DNM3: variants seen among roughly 807,000 people sequenced by gnomAD.
DNM3 encodes dynamin 3.
A neutral mutation model predicts 101.6 loss-of-function variants in DNM3; 47 were observed. The observed-to-expected ratio is 0.46, with a 90% CI of 0.37 to 0.59. The LOEUF is 0.59. DNM3 is among the 20% of genes least tolerant of loss of function. DNM3 has a pLI of 0.00. For synonymous variants in DNM3, 385 were observed against 387.9 expected (o/e 0.99, Z 0.09); for missense variants, 849 against 1,085.7 (o/e 0.78, Z 3.06).
chr1:171,971,629 T>G (rs2043999054), intron 2 of DNM3, among the ~76,000 whole-genome samples: 2 of 152,096 alleles, frequency 1.3e-5, no homozygotes, highest in Admixed American at 1.3e-4. Flanking sequence ...GAAAATAATC[T>G]GAACTTTGTA....
intron 10 of DNM3, among the ~76,000 whole-genome samples, chr1:172,061,231 C>G (rs1468148407): frequency 6.7e-6 from 1 of 149,878 alleles, no homozygotes; most frequent in African/African-American, 2.5e-5. Flanking sequence ...GAAATAGGAA[C>G]ACTTTTACAC....
At chr1:172,027,113 G>C (rs1388416141) in intron 4 of DNM3, among the ~76,000 whole-genome samples, 1 of 152,068 alleles carries the variant, frequency 6.6e-6, no homozygotes, top group Non-Finnish European at 1.5e-5. Context: ...ATATGGAAAG[G>C]AACAACTGAT....
intron 14 of DNM3, among the ~76,000 whole-genome samples, chr1:172,240,619 G>A (rs958813117): frequency 1.3e-5 from 2 of 152,180 alleles, no homozygotes; most frequent in African/African-American, 4.8e-5. Context: ...GTAGAATTAT[G>A]TTTGATTAAT....
At position 172,313,767 on chromosome 1, in the gene DNM3, C is replaced by CATTTATTTATTT. The variant is rs58904855; in HGVS notation, c.1881+4946_1881+4957dup. ...GGTGAATGTGTTCAATGTCTCATAGCATTTATTTATTTATTTATTTATTTA... is the reference window on the plus strand; with the variant it reads ...GGTGAATGTGTTCAATGTCTCATAGCATTTATTTATTTATTTATTTATTTATTTATTTATTTA... On this transcript the variant is annotated intron_variant, in intron 16 of 20. Transcript: ENST00000627582. Among the ~76,000 whole-genome samples the CATTTATTTATTT allele has an allele frequency of 7.8e-3, 1,173 of 151,320 alleles. 19 individuals are homozygous for CATTTATTTATTT. The highest frequency in any genetic ancestry group is 0.027 in the African/African-American group (1,111 of 41,048).
chr1:171,964,377 T>C (rs1013106702), intron 2 of DNM3, among the ~76,000 whole-genome samples: 1 of 152,158 alleles, frequency 6.6e-6, no homozygotes, highest in African/African-American at 2.4e-5. Flanking sequence ...CTTCTGTTGA[T>C]TCCTGTGTTT....
At chr1:172,402,889 G>A (rs1316641350) in intron 20 of DNM3, among the ~76,000 whole-genome samples, 1 of 152,174 alleles carries the variant, frequency 6.6e-6, no homozygotes, top group African/African-American at 2.4e-5. Flanking sequence ...TATCTGGCAA[G>A]TAAATTGAAT....
At chr1:172,300,454 A>T (rs2064389409) in intron 15 of DNM3, among the ~76,000 whole-genome samples, 1 of 152,130 alleles carries the variant, frequency 6.6e-6, no homozygotes, top group Non-Finnish European at 1.5e-5. Context: ...TTAGTCATAA[A>T]TTCTTGCCAA....
At chr1:172,163,068 G>T (rs529312660) in intron 14 of DNM3, among the ~76,000 whole-genome samples, 1 of 151,940 alleles carries the variant, frequency 6.6e-6, no homozygotes, top group South Asian at 2.1e-4. Flanking sequence ...TCTATTTAAG[G>T]TGTACAATGT....
At chr1:172,148,460 T>C (rs1457172035) in intron 14 of DNM3, among the ~76,000 whole-genome samples, 1 of 152,070 alleles carries the variant, frequency 6.6e-6, no homozygotes, top group Non-Finnish European at 1.5e-5. Flanking sequence ...AAAAACATAG[T>C]GTGCTTTTAA....
chr1:172,296,974 C>G (rs2064192317), intron 15 of DNM3, among the ~76,000 whole-genome samples: 1 of 152,100 alleles, frequency 6.6e-6, no homozygotes, highest in South Asian at 2.1e-4. Context: ...GAAATCCCAT[C>G]TAGACTAAAG....
At chr1:172,346,076 T>G (rs1419103805) in intron 17 of DNM3, among the ~76,000 whole-genome samples, 1 of 140,132 alleles carries the variant, frequency 7.1e-6, no homozygotes, top group African/African-American at 2.7e-5. Flanking sequence ...TGAGCCGAGA[T>G]CGTGCCACTG....
intron 2 of DNM3, among the ~76,000 whole-genome samples, chr1:171,953,420 C>CTTTT (rs749644835): frequency 2.3e-5 from 3 of 129,004 alleles, no homozygotes; most frequent in Non-Finnish European, 5.1e-5. Context: ...ATGCGCAATT[C>CTTTT]TTTTTTTTTT....
intron 14 of DNM3, among the ~76,000 whole-genome samples, chr1:172,147,229 A>T (rs1314840710): frequency 1.3e-5 from 2 of 152,132 alleles, no homozygotes; most frequent in Non-Finnish European, 2.9e-5. Flanking sequence ...AAAAGTTAGG[A>T]ATACACATCT....
At chr1:172,382,590 AT>A (rs1157027023) in intron 18 of DNM3, among the ~76,000 whole-genome samples, 3 of 152,132 alleles carry the variant, frequency 2.0e-5, no homozygotes, top group African/African-American at 7.2e-5. Context: ...TGTTCTCACC[AT>A]TTGAACATTG....
rs190799351 is a variant in DNM3 at position 172,129,729 on chromosome 1, A to G, written c.1546-1446A>G. Among the ~76,000 whole-genome samples the G allele has an allele frequency of 8.0e-4, 122 of 152,216 alleles. 2 individuals are homozygous for G. Among genetic ancestry groups the G allele is most frequent in the African/African-American group, 2.7e-3 (114 of 41,518 alleles). On this transcript the variant is annotated intron_variant, in intron 13 of 20. Transcript: ENST00000627582. ...CCCCATAATTCAGTTACCTCCCACCAGTTTCCTCCCATGACACATGGGAAT... is the reference window on the plus strand; with the variant it reads ...CCCCATAATTCAGTTACCTCCCACCGGTTTCCTCCCATGACACATGGGAAT...
rs538969151 is a variant in DNM3, at chr1:172,056,353, G to A, written c.1335+7603G>A. Among the ~76,000 whole-genome samples the A allele has an allele frequency of 2.6e-4, 40 of 152,342 alleles. 2 individuals are homozygous for A. The South Asian group carries it at 2.9e-3, about 11-fold the overall frequency. On this transcript the variant is annotated intron_variant, in intron 10 of 20. Coordinates refer to ENST00000627582, the MANE Select transcript of DNM3 (RefSeq NM_015569.5). Reference sequence around the variant, plus strand: ...GGTGGAGCCCACCACAGCTCAAGGAGGCCTGCCTGCCTCTGTAGGCTCCAC... The same window carrying A: ...GGTGGAGCCCACCACAGCTCAAGGAAGCCTGCCTGCCTCTGTAGGCTCCAC...
chr1:172,271,299 A>G (rs1259778001), intron 15 of DNM3, among the ~76,000 whole-genome samples: 1 of 152,148 alleles, frequency 6.6e-6, no homozygotes, highest in Non-Finnish European at 1.5e-5. Context: ...GCACACCACC[A>G]ATTATATTTA....
At position 172,321,696 on chromosome 1, in the gene DNM3, C is replaced by T. The variant is rs566676926; in HGVS notation, c.1882-1633C>T. On this transcript the variant is annotated intron_variant, in intron 16 of 20. Coordinates refer to ENST00000627582, the MANE Select transcript of DNM3 (RefSeq NM_015569.5). ...CCATCGAGTGGGGAAGCCAGTCATT[C>T]CCTAATGTGCAAAAATACTTGGTTG... Among the ~76,000 whole-genome samples, 7 of 152,262 alleles carry T rather than the reference C, an allele frequency of 4.6e-5. No homozygotes were observed. The South Asian group carries it at 1.5e-3, about 32-fold the overall frequency.
At chr1:172,000,998 G>T (rs544775905) in intron 4 of DNM3, among the ~76,000 whole-genome samples, 1 of 152,174 alleles carries the variant, frequency 6.6e-6, no homozygotes, top group South Asian at 2.1e-4. Flanking sequence ...TGAGATAAAT[G>T]CAGGAGAATG....
Sources: allele counts gnomAD v4.1 joint callset (sites outside exome capture counted in the v4.1 genomes callset), GRCh38; gene constraint gnomAD v4.1.1; transcripts MANE v1.5; gene names NCBI Gene and HGNC (gene_info 2026-07-23, HGNC 2026-07-21).